The following TSBP1 variants were observed in gnomAD, a reference collection of about 807,000 sequenced individuals.
TSBP1 encodes testis-expressed basic protein 1.
A neutral mutation model predicts 68.8 loss-of-function variants in TSBP1; 56 were observed. The observed-to-expected ratio is 0.81, with a 90% CI of 0.66 to 1.02. The LOEUF is 1.02. Among genes scored for constraint, TSBP1 ranks in the 50% least tolerant of loss-of-function variants. TSBP1 has a pLI of 0.00. For missense variants in TSBP1, 502 were observed against 641.2 expected (o/e 0.78, Z 2.34); for synonymous variants, 171 against 208.7 (o/e 0.82, Z 1.56).
Position 32,302,745 on chromosome 6 carries a change from C to T in TSBP1, c.581-116G>A. 1 of 695,024 alleles carries T rather than the reference C, an allele frequency of 1.4e-6. No homozygotes were observed. The highest frequency in any genetic ancestry group is 2.5e-6 in the Non-Finnish European group (1 of 404,418). The allele number at this position is 695,024 out of a possible 1,614,324, so 43.1% of individuals were successfully genotyped here. On this transcript the variant is annotated intron_variant, in intron 19 of 22. Coordinates refer to ENST00000612031, the Ensembl canonical transcript of TSBP1. This position sits in a 1 kb window ranked among gnomAD's most constrained non-coding sequence, Gnocchi z 5.1. ...TCTAGGGTACCATAAAGACTTCTAG[C>T]AGAATACAATGAAATATGATGAGAC...
At chr6:32,300,572 T>C in intron 21 of TSBP1, 108 bp downstream of exon 24, 6 of 877,958 alleles carry the variant, frequency 6.8e-6, no homozygotes, top group Non-Finnish European at 7.6e-6. Context: ...TGAAGAAATA[T>C]TGACTGCTGT....
Position 32,315,861 on chromosome 6 carries a change from T to A in TSBP1, c.560-69A>T. The A allele has an allele frequency of 1.9e-6, 2 of 1,064,414 alleles. No individual in the cohort carries two copies. The highest frequency in any genetic ancestry group is 2.7e-6 in the Non-Finnish European group (2 of 734,854). The allele number at this position is 1,064,414 out of a possible 1,614,324, so 65.9% of individuals were successfully genotyped here. On this transcript the variant is annotated intron_variant, in intron 18 of 22. Transcript: ENST00000612031. This position sits in a 1 kb window ranked among gnomAD's most constrained non-coding sequence, Gnocchi z 5.4. ...GGAGAAAACATAGCATTATCTAACATATTTTGTTGGAGTCTGTGAGGGGAG... is the reference window on the plus strand; with the variant it reads ...GGAGAAAACATAGCATTATCTAACAAATTTTGTTGGAGTCTGTGAGGGGAG...
intron 16 of TSBP1, among the ~76,000 whole-genome samples, chr6:32,328,986 C>T (rs1029803295): frequency 1.3e-5 from 2 of 152,060 alleles, no homozygotes; most frequent in African/African-American, 2.4e-5. Context: ...TACCCATTAC[C>T]CAAATAGTGA....
At chr6:32,353,227 C>T (rs2022544) in intron 8 of TSBP1, among the ~76,000 whole-genome samples, 23,295 of 151,812 alleles carry the variant, frequency 0.15, 2,185 homozygotes, top group East Asian at 0.29. Context: ...ATTATTAGAA[C>T]TCTAAGAGCA....
chr6:32,311,096 C>T (rs1216748749), intron 19 of TSBP1, among the ~76,000 whole-genome samples: 1 of 152,070 alleles, frequency 6.6e-6, no homozygotes, highest in East Asian at 1.9e-4. Flanking sequence ...CGAGACCCCC[C>T]CTTTACTGGT....
intron 20 of TSBP1, among the ~76,000 whole-genome samples, chr6:32,301,672 C>T (rs1011757419): frequency 6.7e-6 from 1 of 150,152 alleles, no homozygotes; most frequent in African/African-American, 2.5e-5. Context: ...CATGATCACA[C>T]CAGTGCACTC....
In TSBP1 at chr6:32,365,372, C is replaced by A; in HGVS notation, c.217+795G>T. On this transcript the variant is annotated intron_variant, in intron 6 of 22. Transcript: ENST00000612031. The surrounding 1 kb of genome is among the most constrained non-coding windows in gnomAD (Gnocchi z 4.3). The stretch of plus-strand genomic sequence containing the variant: ...TTTCCTTTTGTTGTCCATGGTGGCT[C>A]ATTTGGGGACTCAGCCTAGATGGGA... 1.1e-5 allele frequency: 5 copies of A among 457,250 alleles called. No homozygotes were observed. Among genetic ancestry groups the A allele is most frequent in the Non-Finnish European group, 2.2e-5 (5 of 227,100 alleles). The allele number at this position is 457,250 out of a possible 1,614,324, so 28.3% of individuals were successfully genotyped here.
Position 32,357,491 on chromosome 6 carries a change from G to C in TSBP1, c.218-1822C>G, listed in dbSNP as rs950821192. Reference sequence around the variant, plus strand: ...GCATAAGTTTCTCTTCTGTAAATTAGGGATAACAATAGTAAATTACTTTAT... The same window carrying C: ...GCATAAGTTTCTCTTCTGTAAATTACGGATAACAATAGTAAATTACTTTAT... On this transcript the variant is annotated intron_variant, in intron 6 of 22. Coordinates refer to ENST00000612031, the Ensembl canonical transcript of TSBP1. This position sits in a 1 kb window ranked among gnomAD's most constrained non-coding sequence, Gnocchi z 4.7. Among the ~76,000 whole-genome samples, 1 of 152,134 alleles carries C rather than the reference G, an allele frequency of 6.6e-6. No individual in the cohort carries two copies. Among genetic ancestry groups the C allele is most frequent in the African/African-American group, 2.4e-5 (1 of 41,422 alleles).
chr6:32,366,306 A>C lies in TSBP1; in HGVS notation c.167-4T>G. On this transcript the variant is annotated splice_region_variant and splice_polypyrimidine_tract_variant and intron_variant, in intron 4 of 22. Transcript: ENST00000612031. ...GTTGAATATGCATGTCGGGATCCTA[A>C]AAGAGAAGATAAAAACATAATGAGA... 1 of 1,599,374 alleles carries C rather than the reference A, an allele frequency of 6.3e-7. No homozygotes were observed. The highest frequency in any genetic ancestry group is 8.5e-7 in the Non-Finnish European group (1 of 1,172,282).
chr6:32,325,405 C>A lies in TSBP1; in HGVS notation c.515-1791G>T. On this transcript the variant is annotated intron_variant, in intron 16 of 22. Coordinates refer to ENST00000612031, the Ensembl canonical transcript of TSBP1. This position sits in a 1 kb window ranked among gnomAD's most constrained non-coding sequence, Gnocchi z 4.4. Reference sequence around the variant, plus strand: ...AGGGGCTTTGGATTTTTCACATATGCCACTGTGGAGGAGGTGGATGCAGCC... The same window carrying A: ...AGGGGCTTTGGATTTTTCACATATGACACTGTGGAGGAGGTGGATGCAGCC... The A allele has an allele frequency of 3.2e-6, 3 of 939,072 alleles. No homozygotes were observed. The highest frequency in any genetic ancestry group is 2.4e-5 in the East Asian group (1 of 41,818). The allele number at this position is 939,072 out of a possible 1,614,324, so 58.2% of individuals were successfully genotyped here.
At chr6:32,354,970 A>G (rs1359274060) in intron 8 of TSBP1, among the ~76,000 whole-genome samples, 154 bp downstream of exon 8, 1 of 152,118 alleles carries the variant, frequency 6.6e-6, no homozygotes, top group Non-Finnish European at 1.5e-5. Context: ...TGACAAGAAT[A>G]TTATCAATTT....
In TSBP1 at chr6:32,335,806, G is replaced by C; in HGVS notation, c.451+106C>G. 1.1e-6 allele frequency: 1 copy of C among 897,112 alleles called. No individual in the cohort carries two copies. The highest frequency in any genetic ancestry group is 2.1e-5 in the Admixed American group (1 of 47,096). 55.6% of individuals were successfully genotyped at this position (897,112 alleles called of 1,614,324 possible). ...AAGAAAAATAAGGGTTGAAGAAAAT[G>C]TGAACTCCAAACCCTTGAAATCCCA... On this transcript the variant is annotated intron_variant, in intron 13 of 22. Coordinates refer to ENST00000612031, the Ensembl canonical transcript of TSBP1. The surrounding 1 kb of genome is among the most constrained non-coding windows in gnomAD (Gnocchi z 5.5).
rs1769922941 is a variant in TSBP1 at position 32,338,431 on chromosome 6, TC to T, written c.409+547del. On this transcript the variant is annotated intron_variant, in intron 11 of 22. Coordinates refer to ENST00000612031, the Ensembl canonical transcript of TSBP1. The surrounding 1 kb of genome is among the most constrained non-coding windows in gnomAD (Gnocchi z 5.5). ...ATTTTTTTTCCTTTTTAAATCAACT[TC>T]CTCTCACTTATTCCTTATTCTCTAT... Among the ~76,000 whole-genome samples the T allele has an allele frequency of 6.6e-6, 1 of 152,210 alleles. No individual in the cohort carries two copies. Among genetic ancestry groups the T allele is most frequent in the Non-Finnish European group, 1.5e-5 (1 of 68,038 alleles).
At chr6:32,323,903 A>G (rs1767923411) in intron 16 of TSBP1, 1 of 432,292 alleles carries the variant, frequency 2.3e-6, no homozygotes. Flanking sequence ...ACGGTGGTGA[A>G]AACATGGACA....
chr6:32,298,088 C>G (rs771226212), intron 22 of TSBP1, among the ~76,000 whole-genome samples: 2 of 151,930 alleles, frequency 1.3e-5, no homozygotes, highest in Non-Finnish European at 2.9e-5. Flanking sequence ...TTCTCAGAGC[C>G]CTTGTATTAG....
chr6:32,294,213 A>C (rs1417661412), intron 22 of TSBP1, 178 bp from the exon 26 acceptor site: 1 of 716,740 alleles, frequency 1.4e-6, no homozygotes, highest in Non-Finnish European at 2.3e-6. Flanking sequence ...AGTATCGATA[A>C]AATTCTGGAC....
intron 17 of TSBP1, chr6:32,323,358 GC>G: frequency 1.4e-6 from 1 of 692,176 alleles, no homozygotes; most frequent in Admixed American, 2.2e-5. Context: ...TGTAATTAAA[GC>G]ACTTAAATAG....
At chr6:32,324,338 A>G (rs1057415573) in intron 16 of TSBP1, 32 of 458,032 alleles carry the variant, frequency 7.0e-5, no homozygotes, top group Admixed American at 3.7e-4. Flanking sequence ...TTTCTCTCCT[A>G]CCATTTTTTC....
rs1768560832 is a variant in TSBP1 at position 32,328,656 on chromosome 6, A to G, written c.514+1933T>C. Among the ~76,000 whole-genome samples, 4 of 151,958 alleles carry G rather than the reference A, an allele frequency of 2.6e-5. No homozygotes were observed. The South Asian group carries it at 8.3e-4, about 32-fold the overall frequency. ...GGTCTTGAACTTCTGACCTCAAGTG[A>G]TCCACCCACCTTGGCCTCCCAAAGT... On this transcript the variant is annotated intron_variant, in intron 16 of 22. Coordinates refer to ENST00000612031, the Ensembl canonical transcript of TSBP1.
Sources: gnomAD v4.1 joint callset for allele counts (sites outside exome capture counted in the v4.1 genomes callset) on GRCh38, gnomAD v4.1.1 for gene constraint, Gnocchi (gnomAD v3.1) non-coding constraint, MANE v1.5 for transcripts, NCBI Gene and HGNC (gene_info 2026-07-23, HGNC 2026-07-21) for gene names.